The following TTL variants were observed in gnomAD, a reference collection of about 807,000 sequenced individuals.
TTL encodes tubulin--tyrosine ligase.
In TTL, 10 loss-of-function variants were observed where a neutral mutation model predicts 41.1. The observed-to-expected ratio is 0.24, with a 90% CI of 0.15 to 0.41. The LOEUF (loss-of-function observed/expected upper bound fraction) is 0.41. Among genes scored for constraint, TTL ranks in the 10% least tolerant of loss-of-function variants. The pLI is 1.00. For missense variants in TTL, 367 were observed against 460.4 expected, an observed-to-expected ratio of 0.80 and a Z score of 1.86; for synonymous variants, 175 against 175.5, an observed-to-expected ratio of 1.00 and a Z score of 0.02.
Position 112,535,480 on chromosome 2 carries a change from GACTC to G in TTL, c.*6687_*6690del, listed in dbSNP as rs1682581687. 1 of 152,024 alleles carries G rather than the reference GACTC, an allele frequency of 6.6e-6. No individual in the cohort carries two copies. Among genetic ancestry groups the G allele is most frequent in the Non-Finnish European group, 1.5e-5 (1 of 68,002 alleles). The allele number at this position is 152,024 out of a possible 1,614,324, so 9.4% of individuals were successfully genotyped here. ...AGCTCAACAAATTCTAAGCAGGAAA[GACTC>G]AAAGAGTCCACCTCAAGACACACCA... is the stretch of plus-strand genomic sequence containing the variant. On this transcript the variant is annotated 3_prime_UTR_variant, in exon 7 of 7. Coordinates refer to ENST00000233336, the MANE Select transcript of TTL (RefSeq NM_153712.5).
At chr2:112,494,507 C>T (rs1681474785) in intron 3 of TTL, 132 bp downstream of exon 3, 2 of 688,988 alleles carry the variant, frequency 2.9e-6, no homozygotes, top group Middle Eastern at 2.5e-4. Flanking sequence ...TATAAATACC[C>T]ATCTATGTAC....
rs994703069 is a variant in TTL, at chr2:112,482,614, C to T, written c.157+113C>T. Reference sequence around the variant, plus strand: ...AAAGGTCATACATTTTCTCCTCTGTCGCTTGTCGGGCACATCAGAAACGGA... The same window carrying T: ...AAAGGTCATACATTTTCTCCTCTGTTGCTTGTCGGGCACATCAGAAACGGA... On this transcript the variant is annotated intron_variant, in intron 1 of 6. Transcript: ENST00000233336. This position sits in a 1 kb window ranked among gnomAD's most constrained non-coding sequence, Gnocchi z 5.3. 1 of 1,182,298 alleles carries T rather than the reference C, an allele frequency of 8.5e-7. No individual in the cohort carries two copies. Among genetic ancestry groups the T allele is most frequent in the Non-Finnish European group, 1.1e-6 (1 of 877,084 alleles). The allele number at this position is 1,182,298 out of a possible 1,614,324, so 73.2% of individuals were successfully genotyped here. A position where few individuals can be genotyped will look rare whatever the true frequency, so the allele number is the denominator to read the frequency against.
intron 3 of TTL, among the ~76,000 whole-genome samples, chr2:112,497,462 C>T (rs1332729475): frequency 6.6e-6 from 1 of 152,182 alleles, no homozygotes; most frequent in Non-Finnish European, 1.5e-5. Context: ...GGGAGCAGTT[C>T]ATGACGAACT....
intron 2 of TTL, among the ~76,000 whole-genome samples, chr2:112,486,902 T>G (rs1485383737): frequency 6.6e-6 from 1 of 152,242 alleles, no homozygotes; most frequent in African/African-American, 2.4e-5. Flanking sequence ...AAGGTTGTTA[T>G]GAGGATTAAT....
At chr2:112,498,275 A>G (rs1161810182) in intron 3 of TTL, among the ~76,000 whole-genome samples, 1 of 152,144 alleles carries the variant, frequency 6.6e-6, no homozygotes, top group Non-Finnish European at 1.5e-5. Context: ...GTGAGCTGAG[A>G]TCGCACCATT....
At chr2:112,498,513 A>G (rs1681597002) in intron 3 of TTL, among the ~76,000 whole-genome samples, 1 of 152,222 alleles carries the variant, frequency 6.6e-6, no homozygotes, top group Admixed American at 6.5e-5. Context: ...ACAGTATAGT[A>G]AAGATGTCAG....
intron 6 of TTL, among the ~76,000 whole-genome samples, chr2:112,526,476 G>A (rs529717994): frequency 6.6e-6 from 1 of 152,256 alleles, no homozygotes; most frequent in African/African-American, 2.4e-5. Flanking sequence ...CCAGTTATTG[G>A]TCTATTCAGG....
At chr2:112,518,015 G>A (rs138020600) in intron 5 of TTL, among the ~76,000 whole-genome samples, 1,846 of 151,400 alleles carry the variant, frequency 0.012, 35 homozygotes, top group African/African-American at 0.042. Context: ...ACATGATCTC[G>A]GCTCACTGCA....
intron 6 of TTL, among the ~76,000 whole-genome samples, chr2:112,520,942 C>T (rs1184082553): frequency 1.3e-5 from 2 of 152,032 alleles, no homozygotes; most frequent in East Asian, 1.9e-4. Context: ...AGCAGCTAGC[C>T]TGTGCTCAGG....
intron 2 of TTL, among the ~76,000 whole-genome samples, chr2:112,490,377 C>T (rs1032275715): frequency 3.9e-5 from 6 of 151,980 alleles, no homozygotes; most frequent in South Asian, 2.1e-4. Flanking sequence ...GAGATTGTGC[C>T]GCTGCACTCC....
Position 112,528,713 on chromosome 2 carries a change from T to A in TTL, c.1052T>A (p.Val351Glu). The A allele has an allele frequency of 6.2e-7, 1 of 1,614,188 alleles. No homozygotes were observed. The highest frequency in any genetic ancestry group is 8.5e-7 in the Non-Finnish European group (1 of 1,180,030). ...KLYAELCQGI[V>E]DIAISSVFPP... ...TATGCAGAACTGTGCCAAGGCATCGTGGACATAGCCATTTCCAGTGTCTTC... is the reference window on the plus strand; with the variant it reads ...TATGCAGAACTGTGCCAAGGCATCGAGGACATAGCCATTTCCAGTGTCTTC... The change falls in exon 7 of 7, where the codon GTG becomes GAG. Residue 351 changes from valine to glutamate, a missense_variant. Coordinates refer to ENST00000233336, the MANE Select transcript of TTL (RefSeq NM_153712.5).
At chr2:112,526,625 G>A (rs1301973052) in intron 6 of TTL, among the ~76,000 whole-genome samples, 2 of 152,202 alleles carry the variant, frequency 1.3e-5, no homozygotes. Context: ...TGTGGGATCA[G>A]TGGTGATAAC....
In TTL at chr2:112,529,376, G is replaced by A. The variant is rs984176942; in HGVS notation, c.*581G>A. The A allele has an allele frequency of 4.3e-5, 10 of 229,978 alleles. No individual in the cohort carries two copies. Among genetic ancestry groups the A allele is most frequent in the Admixed American group, 5.6e-5 (1 of 17,800 alleles). The allele number at this position is 229,978 out of a possible 1,614,324, so 14.2% of individuals were successfully genotyped here. On this transcript the variant is annotated 3_prime_UTR_variant, in exon 7 of 7. Transcript: ENST00000233336. ...GTCAGTCACCTGTCAGGGTTTGTGCGGGTTGGGCCCCAAAACAGCATATGC... is the reference window on the plus strand; with the variant it reads ...GTCAGTCACCTGTCAGGGTTTGTGCAGGTTGGGCCCCAAAACAGCATATGC...
Position 112,531,229 on chromosome 2 carries a change from T to A in TTL, c.*2434T>A. On this transcript the variant is annotated 3_prime_UTR_variant, in exon 7 of 7. Transcript: ENST00000233336. ...ATGATGTCCTTGACACAGAAGGTTA[T>A]GCCTGGCTCCCAGTCAGGCTTCATA... 1 of 224,202 alleles carries A rather than the reference T, an allele frequency of 4.5e-6. No individual in the cohort carries two copies. Among genetic ancestry groups the A allele is most frequent in the East Asian group, 6.5e-5 (1 of 15,456 alleles). The allele number at this position is 224,202 out of a possible 1,614,324, so 13.9% of individuals were successfully genotyped here. A position where few individuals can be genotyped will look rare whatever the true frequency, so the allele number is the denominator to read the frequency against.
At chr2:112,486,930 G>T (rs949951057) in intron 2 of TTL, among the ~76,000 whole-genome samples, 1 of 152,098 alleles carries the variant, frequency 6.6e-6, no homozygotes, top group African/African-American at 2.4e-5. Flanking sequence ...ATTTAGCTAC[G>T]GGCTTTGAAT....
At chr2:112,484,971 A>T (rs773173381) in intron 1 of TTL, among the ~76,000 whole-genome samples, 1 of 152,138 alleles carries the variant, frequency 6.6e-6, no homozygotes, top group South Asian at 2.1e-4. Flanking sequence ...TATTTTTGAG[A>T]TGAAGTCTTG....
intron 3 of TTL, among the ~76,000 whole-genome samples, chr2:112,498,332 C>A (rs1002346373): frequency 6.6e-6 from 1 of 151,904 alleles, no homozygotes. Context: ...TAAAAAAAAA[C>A]CAAAAAACTA....
chr2:112,529,876 G>T lies in TTL; in HGVS notation c.*1081G>T. On this transcript the variant is annotated 3_prime_UTR_variant, in exon 7 of 7. Coordinates refer to ENST00000233336, the MANE Select transcript of TTL (RefSeq NM_153712.5). ...TGGGGAAGTCTTCTAAAATGGGAAA[G>T]AAGTGGTTTCATCTCCACACAGTGT... The T allele has an allele frequency of 1.3e-5, 3 of 224,446 alleles. No individual in the cohort carries two copies. The highest frequency in any genetic ancestry group is 2.7e-5 in the Non-Finnish European group (3 of 112,500). 13.9% of individuals were successfully genotyped at this position (224,446 alleles called of 1,614,324 possible).
rs1682458586 is a variant in TTL at position 112,529,645 on chromosome 2, GT to G, written c.*853del. 1 of 219,836 alleles carries G rather than the reference GT, an allele frequency of 4.5e-6. No individual in the cohort carries two copies. The highest frequency in any genetic ancestry group is 5.9e-5 in the Admixed American group (1 of 17,092). 13.6% of individuals were successfully genotyped at this position (219,836 alleles called of 1,614,324 possible). On this transcript the variant is annotated 3_prime_UTR_variant, in exon 7 of 7. Transcript: ENST00000233336. ...TTTCTTTTTTTACTTTTTTTTAAACGTTTGTAAAAACCTCTTTGAGGATGAG... is the reference window on the plus strand; with the variant it reads ...TTTCTTTTTTTACTTTTTTTTAAACGTTGTAAAAACCTCTTTGAGGATGAG...
Sources: allele counts gnomAD v4.1 joint callset (sites outside exome capture counted in the v4.1 genomes callset), GRCh38; gene constraint gnomAD v4.1.1; non-coding constraint Gnocchi (gnomAD v3.1); transcripts MANE v1.5; gene names NCBI Gene and HGNC (gene_info 2026-07-23, HGNC 2026-07-21).